Variants in ADAM12 observed in about 807,000 individuals in gnomAD.
The protein encoded by ADAM12 is disintegrin and metalloproteinase domain-containing protein 12.
Under a neutral mutation model 106.4 loss-of-function variants are expected in ADAM12, and 70 were observed. That is an observed-to-expected ratio of 0.66 (90% CI 0.54 to 0.80). The LOEUF (loss-of-function observed/expected upper bound fraction) is 0.80. Ranked by LOEUF, ADAM12 falls within the 30% of genes least tolerant of loss-of-function variation. The pLI is 0.00. For missense variants in ADAM12, 1,010 were observed against 1,171.9 expected, an observed-to-expected ratio of 0.86 and a Z score of 2.02; for synonymous variants, 420 against 433.5, an observed-to-expected ratio of 0.97 and a Z score of 0.39.
chr10:126,317,273 G>C (rs563380462), intron 2 of ADAM12, among the ~76,000 whole-genome samples: 1 of 152,132 alleles, frequency 6.6e-6, no homozygotes, highest in Non-Finnish European at 1.5e-5. Flanking sequence ...CCATGGAAAC[G>C]GGAAATCTTA....
At chr10:126,358,554 T>C (rs923522865) in intron 1 of ADAM12, among the ~76,000 whole-genome samples, 1 of 152,136 alleles carries the variant, frequency 6.6e-6, no homozygotes, top group Non-Finnish European at 1.5e-5. Flanking sequence ...TGGTAAAAAA[T>C]TGAAAGCCCT....
At chr10:126,170,452 G>T (rs199997838) in intron 3 of ADAM12, among the ~76,000 whole-genome samples, 1 of 150,550 alleles carries the variant, frequency 6.6e-6, no homozygotes, top group Non-Finnish European at 1.5e-5. Context: ...GGCGGGGGGG[G>T]AGTCCCTGTG....
intron 3 of ADAM12, among the ~76,000 whole-genome samples, chr10:126,238,433 T>A (rs1958462159): frequency 2.0e-5 from 3 of 152,120 alleles, no homozygotes; most frequent in African/African-American, 7.2e-5. Flanking sequence ...GAGCCGAGAT[T>A]GTGCCATTGT....
intron 3 of ADAM12, among the ~76,000 whole-genome samples, chr10:126,233,287 A>T (rs1000798398): frequency 1.1e-4 from 16 of 152,224 alleles, no homozygotes; most frequent in East Asian, 3.9e-4. Flanking sequence ...GACAGAGAGG[A>T]TGCTAGAAGA....
intron 3 of ADAM12, among the ~76,000 whole-genome samples, chr10:126,161,733 C>T (rs572853962): frequency 4.6e-5 from 7 of 152,026 alleles, no homozygotes; most frequent in South Asian, 4.2e-4. Flanking sequence ...TAAAAGGGGC[C>T]GGGAGTCAAA....
At chr10:126,306,409 A>T (rs957631875) in intron 2 of ADAM12, among the ~76,000 whole-genome samples, 7 of 152,204 alleles carry the variant, frequency 4.6e-5, no homozygotes. Flanking sequence ...AAAGCCCTAA[A>T]TATCTTGCAT....
At chr10:126,106,248 T>C (rs1444423068) in intron 8 of ADAM12, among the ~76,000 whole-genome samples, 2 of 152,100 alleles carry the variant, frequency 1.3e-5, no homozygotes, top group African/African-American at 4.8e-5. Flanking sequence ...CACTCATCCC[T>C]CGTCCTGCAA....
intron 2 of ADAM12, among the ~76,000 whole-genome samples, chr10:126,312,255 A>G (rs1410209151): frequency 1.3e-5 from 2 of 152,022 alleles, no homozygotes; most frequent in Admixed American, 6.6e-5. Flanking sequence ...TGAGAAACCC[A>G]TGGCAGAGCA....
intron 1 of ADAM12, among the ~76,000 whole-genome samples, chr10:126,355,697 C>T (rs1365199087): frequency 1.3e-5 from 2 of 152,176 alleles, no homozygotes; most frequent in African/African-American, 4.8e-5. Context: ...TGAGATGCTT[C>T]CCAGGAAGCC....
chr10:126,305,299 T>C (rs1960795875), intron 2 of ADAM12, among the ~76,000 whole-genome samples: 1 of 152,054 alleles, frequency 6.6e-6, no homozygotes, highest in African/African-American at 2.4e-5. Flanking sequence ...AGAAATGGAC[T>C]CCTGATACCA....
intron 11 of ADAM12, 136 bp from the exon 12 acceptor site, chr10:126,071,790 T>C: frequency 1.1e-6 from 1 of 882,662 alleles, no homozygotes; most frequent in Non-Finnish European, 1.7e-6. Context: ...ACAATGCATA[T>C]CAAAAAACTC....
At position 126,049,281 on chromosome 10, in the gene ADAM12, A is replaced by T; in HGVS notation, c.1889T>A (p.Leu630His). 1 of 1,614,234 alleles carries T rather than the reference A, an allele frequency of 6.2e-7. No individual in the cohort carries two copies. Among genetic ancestry groups the T allele is most frequent in the East Asian group, 2.2e-5 (1 of 44,888 alleles). Reference protein sequence around the residue: ...GDDMPDPGLVLAGTKCADGKI... With the variant: ...GDDMPDPGLVHAGTKCADGKI... ...TCCATCTGCACACTTTGTGCCTGCA[A>T]GCACAAGCCCTGGGTCCGGCATGTC... Residue 630 changes from leucine (L) to histidine (H), a missense_variant, in exon 16 of 23, where the codon CTT (leucine) becomes CAT (histidine). Around this residue, in one of 3 missense-constraint regions of ADAM12, gnomAD observed 615 missense variants for 708.5 expected, o/e 0.87. Transcript: ENST00000448723. This position sits in a 1 kb window ranked among gnomAD's most constrained non-coding sequence, Gnocchi z 4.4.
chr10:126,091,305 T>C (rs558658580), intron 11 of ADAM12, among the ~76,000 whole-genome samples: 3 of 152,356 alleles, frequency 2.0e-5, no homozygotes, highest in Non-Finnish European at 2.9e-5. Context: ...AACCACCATT[T>C]TGAGATAATA....
chr10:126,106,547 G>A (rs552066951), intron 8 of ADAM12, among the ~76,000 whole-genome samples: 7 of 147,792 alleles, frequency 4.7e-5, no homozygotes, highest in East Asian at 2.0e-4. Flanking sequence ...GTGCGATGGC[G>A]TGATCTCGGC....
chr10:126,173,650 G>A (rs1377931420), intron 3 of ADAM12, among the ~76,000 whole-genome samples: 7 of 151,932 alleles, frequency 4.6e-5, no homozygotes, highest in Admixed American at 3.9e-4. Flanking sequence ...GTTTCAGAGC[G>A]CAAGTTTTAA....
intron 1 of ADAM12, among the ~76,000 whole-genome samples, chr10:126,367,708 G>A (rs566216714): frequency 3.9e-5 from 6 of 151,982 alleles, no homozygotes; most frequent in African/African-American, 1.2e-4. Flanking sequence ...AGAGGGGTAC[G>A]TCATTACAGA....
At chr10:126,128,763 G>A (rs567094952) in intron 5 of ADAM12, among the ~76,000 whole-genome samples, 267 of 128,542 alleles carry the variant, frequency 2.1e-3, no homozygotes, top group African/African-American at 7.2e-3. Context: ...GCAAGTGGGC[G>A]CCTGCCCATG....
chr10:126,067,619 C>A (rs989292318), intron 12 of ADAM12, among the ~76,000 whole-genome samples: 2 of 152,230 alleles, frequency 1.3e-5, no homozygotes, highest in Non-Finnish European at 2.9e-5. Flanking sequence ...AACAAAAGGC[C>A]TGCACGCATT....
rs764420129 is a variant in ADAM12 at position 126,043,005 on chromosome 10, GCCT to G, written c.2104+32_2104+34del. The G allele has an allele frequency of 6.2e-6, 10 of 1,602,392 alleles. No homozygotes were observed. The Admixed American group carries it at 1.2e-4, about 19-fold the overall frequency. On this transcript the variant is annotated intron_variant, in intron 18 of 22. Coordinates refer to ENST00000448723, the MANE Select transcript of ADAM12 (RefSeq NM_001288973.2). The surrounding 1 kb of genome is among the most constrained non-coding windows in gnomAD (Gnocchi z 4.1). ...GAGCCCACCCGCCCCCAGGTGCTCA[GCCT>G]CCTCCCACCGGGATGCAGGGGCTTC...
Sources: allele counts gnomAD v4.1 joint callset (sites outside exome capture counted in the v4.1 genomes callset), GRCh38; gene constraint gnomAD v4.1.1; regional missense constraint gnomAD v4.1.1; non-coding constraint Gnocchi (gnomAD v3.1); transcripts MANE v1.5; gene names NCBI Gene and HGNC (gene_info 2026-07-23, HGNC 2026-07-21).